CHD6: variants seen among roughly 807,000 people sequenced by gnomAD.
The protein encoded by CHD6 is chromodomain helicase DNA binding protein 6, also known as ATP-dependent chromatin remodeler CHD6.
In CHD6, 50 loss-of-function variants were observed where a neutral mutation model predicts 276.9. The ratio of observed to expected loss-of-function variants is 0.18; its 90% CI spans 0.14 to 0.23. The LOEUF is 0.23. CHD6 is among the 10% of genes least tolerant of loss of function. The pLI is 1.00. For missense variants in CHD6, 2,564 were observed against 3,365.8 expected (o/e 0.76, Z 5.89); for synonymous variants, 1,173 against 1,229.3 (o/e 0.95, Z 0.96).
In CHD6 at chr20:41,452,305, T is replaced by C. The variant is rs546206019; in HGVS notation, c.3324-280A>G. 3.1e-4 allele frequency among the ~76,000 whole-genome samples: 47 copies of C among 152,336 alleles called. No individual in the cohort carries two copies. Among genetic ancestry groups the C allele is most frequent in the African/African-American group, 1.1e-3 (46 of 41,584 alleles). The stretch of plus-strand genomic sequence containing the variant: ...AACTACTGGGAGCAGGGAATAAATT[T>C]GGAATCAAAAAGAGTCCAACAGCAC... On this transcript the variant is annotated intron_variant, in intron 21 of 36. Transcript: ENST00000373233. This position sits in a 1 kb window ranked among gnomAD's most constrained non-coding sequence, Gnocchi z 4.2.
At chr20:41,503,984 A>C (rs745720528) in intron 5 of CHD6, among the ~76,000 whole-genome samples, 15 of 149,338 alleles carry the variant, frequency 1.0e-4, no homozygotes, top group Non-Finnish European at 2.1e-4. Flanking sequence ...AGGCTGAGGA[A>C]AGAGAATTGC....
At chr20:41,416,437 A>G in intron 33 of CHD6, 151 bp downstream of exon 33, 1 of 654,952 alleles carries the variant, frequency 1.5e-6, no homozygotes, top group Non-Finnish European at 2.6e-6. Context: ...CATACAGGAT[A>G]AAGTCTAAAT....
intron 27 of CHD6, 84 bp downstream of exon 27, chr20:41,437,190 T>C: frequency 1.9e-6 from 2 of 1,031,234 alleles, no homozygotes; most frequent in Non-Finnish European, 3.0e-6. Flanking sequence ...TGCAATCAAG[T>C]TCCCCCAGAT....
chr20:41,423,704 G>C lies in CHD6; in HGVS notation c.4347-4C>G. ...TGCTTGTTCTCTCCTAGTCCACCTT[G>C]AGATTTAATCAGAAAGGAAGAGTGA... On this transcript the variant is annotated splice_polypyrimidine_tract_variant and splice_region_variant and intron_variant, in intron 29 of 36. Transcript: ENST00000373233. 3 of 1,612,086 alleles carry C rather than the reference G, an allele frequency of 1.9e-6. No individual in the cohort carries two copies. The highest frequency in any genetic ancestry group is 1.1e-5 in the South Asian group (1 of 90,992).
chr20:41,412,383 G>T, intron 35 of CHD6, 120 bp from the exon 36 acceptor site: 1 of 1,189,326 alleles, frequency 8.4e-7, no homozygotes, highest in Non-Finnish European at 1.2e-6. Flanking sequence ...CACAGGAGCT[G>T]GCCAGGTTAA....
At chr20:41,591,417 T>C (rs1188707699) in intron 1 of CHD6, among the ~76,000 whole-genome samples, 5 of 147,944 alleles carry the variant, frequency 3.4e-5, no homozygotes, top group African/African-American at 5.1e-5. Context: ...CATATATATA[T>C]ACATATATAT....
chr20:41,458,911 A>T (rs1311180125), intron 17 of CHD6, among the ~76,000 whole-genome samples: 1 of 152,174 alleles, frequency 6.6e-6, no homozygotes, highest in Non-Finnish European at 1.5e-5. Context: ...ATCTTGGCCC[A>T]GAGCAGTAAG....
At chr20:41,597,518 G>C (rs533733221) in intron 1 of CHD6, among the ~76,000 whole-genome samples, 1 of 151,994 alleles carries the variant, frequency 6.6e-6, no homozygotes, top group Non-Finnish European at 1.5e-5. Context: ...ATCAGAAGTT[G>C]GAAAGAGGGA....
At chr20:41,577,317 T>C (rs1162768345) in intron 1 of CHD6, among the ~76,000 whole-genome samples, 1 of 152,192 alleles carries the variant, frequency 6.6e-6, no homozygotes, top group Non-Finnish European at 1.5e-5. Flanking sequence ...TAGCTAAGAT[T>C]TATCTGGGTG....
intron 1 of CHD6, among the ~76,000 whole-genome samples, chr20:41,607,572 T>C (rs2045842400): frequency 6.6e-6 from 1 of 152,076 alleles, no homozygotes; most frequent in South Asian, 2.1e-4. Context: ...CCCAATTAGT[T>C]ACAGAGGGAA....
intron 1 of CHD6, among the ~76,000 whole-genome samples, chr20:41,602,331 G>C (rs1427609374): frequency 6.6e-6 from 1 of 152,114 alleles, no homozygotes; most frequent in Non-Finnish European, 1.5e-5. Flanking sequence ...GGGGATGCTG[G>C]CACCACAAAC....
intron 23 of CHD6, among the ~76,000 whole-genome samples, chr20:41,448,947 G>C (rs560328764): frequency 9.2e-5 from 14 of 151,692 alleles, no homozygotes; most frequent in Non-Finnish European, 2.1e-4. Flanking sequence ...TGTCGCCCAG[G>C]CTGGAGTGCA....
chr20:41,569,652 T>A (rs993743925), intron 1 of CHD6, among the ~76,000 whole-genome samples: 2 of 152,304 alleles, frequency 1.3e-5, no homozygotes, highest in South Asian at 4.1e-4. Flanking sequence ...CTCCTGCATA[T>A]ACAGTCAGCC....
intron 26 of CHD6, 139 bp from the exon 27 acceptor site, chr20:41,437,473 A>C (rs1356109552): frequency 1.7e-6 from 1 of 597,494 alleles, no homozygotes; most frequent in Non-Finnish European, 3.0e-6. Flanking sequence ...GATCACATTC[A>C]CATTACTTTT....
intron 26 of CHD6, among the ~76,000 whole-genome samples, chr20:41,438,073 A>T (rs529645358): frequency 6.6e-6 from 1 of 152,174 alleles, no homozygotes; most frequent in Non-Finnish European, 1.5e-5. Context: ...AATGAGGCCT[A>T]ATGTTGCAAC....
chr20:41,546,702 A>T (rs2045049920), intron 2 of CHD6, among the ~76,000 whole-genome samples: 1 of 152,166 alleles, frequency 6.6e-6, no homozygotes, highest in Admixed American at 6.5e-5. Flanking sequence ...TTCACATTTT[A>T]TTTTTATAAT....
chr20:41,456,940 G>A (rs2048393678), intron 18 of CHD6, among the ~76,000 whole-genome samples: 1 of 152,152 alleles, frequency 6.6e-6, no homozygotes, highest in Non-Finnish European at 1.5e-5. Context: ...AAAGTCTGAG[G>A]TATGAGATAA....
At chr20:41,576,274 C>T (rs1224764785) in intron 1 of CHD6, among the ~76,000 whole-genome samples, 3 of 152,018 alleles carry the variant, frequency 2.0e-5, no homozygotes, top group Non-Finnish European at 2.9e-5. Context: ...AATTTGTAAA[C>T]AGAATAAGTA....
chr20:41,612,126 G>C (rs1001695543), intron 1 of CHD6, among the ~76,000 whole-genome samples: 2 of 152,180 alleles, frequency 1.3e-5, no homozygotes, highest in African/African-American at 4.8e-5. Context: ...TTTATAATTA[G>C]ATTCAACAAA....
Sources: allele counts gnomAD v4.1 joint callset (sites outside exome capture counted in the v4.1 genomes callset), GRCh38; gene constraint gnomAD v4.1.1; non-coding constraint Gnocchi (gnomAD v3.1); transcripts MANE v1.5; gene names NCBI Gene and HGNC (gene_info 2026-07-23, HGNC 2026-07-21).